The following TMEM132D variants were observed in gnomAD, a reference collection of about 807,000 sequenced individuals.
TMEM132D encodes transmembrane protein 132D, also known as mature OL transmembrane protein.
Under a neutral mutation model 62.3 loss-of-function variants are expected in TMEM132D, and 21 were observed. That is an observed-to-expected ratio of 0.34 (90% CI 0.24 to 0.49). The LOEUF is 0.49. Ranked by LOEUF, TMEM132D falls within the 20% of genes least tolerant of loss-of-function variation. The probability of loss-of-function intolerance (pLI) is 0.99; values close to 1 mark genes in which losing one functional copy is unlikely to be tolerated. For synonymous variants in TMEM132D, 621 were observed against 575.6 expected (o/e 1.08, Z -1.13); for missense variants, 1,346 against 1,402.8 (o/e 0.96, Z 0.65).
At chr12:129,648,708 A>G (rs1879849868) in intron 2 of TMEM132D, among the ~76,000 whole-genome samples, 1 of 152,258 alleles carries the variant, frequency 6.6e-6, no homozygotes, top group East Asian at 1.9e-4. Context: ...ACAAATCACC[A>G]AAGTGGTGCC....
chr12:129,088,780 GGGGTGTCCTCCATGACC>G (rs2135624769), intron 5 of TMEM132D, among the ~76,000 whole-genome samples: 1 of 50,608 alleles, frequency 2.0e-5, no homozygotes. Context: ...CTCCATGACC[GGGGTGTCCTCCATGACC>G]GGGTGTCCTC....
chr12:129,375,844 C>T (rs1376947836), intron 3 of TMEM132D, among the ~76,000 whole-genome samples: 1 of 152,184 alleles, frequency 6.6e-6, no homozygotes, highest in African/African-American at 2.4e-5. Context: ...TCTCAGCTCA[C>T]TCAGCATGTT....
At chr12:129,815,223 G>C (rs901499879) in intron 1 of TMEM132D, among the ~76,000 whole-genome samples, 2 of 152,168 alleles carry the variant, frequency 1.3e-5, no homozygotes, top group African/African-American at 2.4e-5. Context: ...TATTAAGAGA[G>C]TAATTTAGCT....
chr12:129,700,731 TA>T, intron 1 of TMEM132D, 33 bp from the exon 2 acceptor site: 6 of 1,564,452 alleles, frequency 3.8e-6, no homozygotes, highest in Non-Finnish European at 5.2e-6. Flanking sequence ...CAGGCGTTAG[TA>T]ATGCTAAGGT....
In TMEM132D at chr12:129,903,851, G is replaced by A. The variant is rs891914432; in HGVS notation, c.-512C>T. Among the ~76,000 whole-genome samples, 1 of 146,648 alleles carries A rather than the reference G, an allele frequency of 6.8e-6. No homozygotes were observed. The highest frequency in any genetic ancestry group is 2.4e-5 in the African/African-American group (1 of 40,864). Reference sequence around the variant, plus strand: ...GGCCGGGCTCGCTGGGCGGCCCGGGGCTCCCTGGCCCGCAGCCCCCATCCC... The same window carrying A: ...GGCCGGGCTCGCTGGGCGGCCCGGGACTCCCTGGCCCGCAGCCCCCATCCC... On this transcript the variant is annotated 5_prime_UTR_variant, in exon 1 of 9. Coordinates refer to ENST00000422113, the MANE Select transcript of TMEM132D (RefSeq NM_133448.3). The surrounding 1 kb of genome is among the most constrained non-coding windows in gnomAD (Gnocchi z 6.2).
chr12:129,463,863 C>A (rs1392384819), intron 3 of TMEM132D, among the ~76,000 whole-genome samples: 3 of 151,400 alleles, frequency 2.0e-5, no homozygotes. Flanking sequence ...TTTTCTTAAT[C>A]CAGTCTATCA....
At chr12:129,273,256 G>A (rs4759592) in intron 4 of TMEM132D, among the ~76,000 whole-genome samples, 47,587 of 151,330 alleles carry the variant, frequency 0.31, 7,749 homozygotes, top group South Asian at 0.36. Context: ...CGCTGGTGAA[G>A]CTGTGGAGAA....
chr12:129,564,942 G>A (rs910328684), intron 2 of TMEM132D, among the ~76,000 whole-genome samples: 3 of 152,188 alleles, frequency 2.0e-5, no homozygotes, highest in Admixed American at 6.5e-5. Context: ...GGGAGCCCCT[G>A]AGAAAGGAAG....
At chr12:129,508,012 A>T (rs922293209) in intron 3 of TMEM132D, among the ~76,000 whole-genome samples, 1 of 152,122 alleles carries the variant, frequency 6.6e-6, no homozygotes, top group Non-Finnish European at 1.5e-5. Flanking sequence ...TCCTGAGTAT[A>T]CAATTCCAAC....
chr12:129,179,137 A>G (rs1414233713), intron 5 of TMEM132D, among the ~76,000 whole-genome samples: 1 of 152,192 alleles, frequency 6.6e-6, no homozygotes, highest in Non-Finnish European at 1.5e-5. Context: ...CCATCAGCGT[A>G]CAGAAACGGG....
In TMEM132D at chr12:129,468,407, A is replaced by T. The variant is rs1383464436; in HGVS notation, c.1115+62652T>A. 2.0e-5 allele frequency among the ~76,000 whole-genome samples: 3 copies of T among 152,182 alleles called. No homozygotes were observed. The East Asian group carries it at 5.8e-4, about 29-fold the overall frequency. ...CTTTCCCTGACAGACACCTATTAGCATTCTGTATTGCAAAGAAGACCTGAA... is the reference window on the plus strand; with the variant it reads ...CTTTCCCTGACAGACACCTATTAGCTTTCTGTATTGCAAAGAAGACCTGAA... On this transcript the variant is annotated intron_variant, in intron 3 of 8. Coordinates refer to ENST00000422113, the MANE Select transcript of TMEM132D (RefSeq NM_133448.3).
At chr12:129,174,187 T>C (rs1353466820) in intron 5 of TMEM132D, among the ~76,000 whole-genome samples, 1 of 152,124 alleles carries the variant, frequency 6.6e-6, no homozygotes, top group East Asian at 1.9e-4. Flanking sequence ...GCCATGGTGG[T>C]CTGCTGCACT....
At chr12:129,333,800 A>G (rs1028918691) in intron 4 of TMEM132D, among the ~76,000 whole-genome samples, 4 of 151,678 alleles carry the variant, frequency 2.6e-5, no homozygotes, top group Non-Finnish European at 5.9e-5. Flanking sequence ...AGAGGAGCAC[A>G]CTCTCCCCTT....
At chr12:129,649,862 A>G (rs1223387327) in intron 2 of TMEM132D, among the ~76,000 whole-genome samples, 2 of 110,290 alleles carry the variant, frequency 1.8e-5, no homozygotes, top group Non-Finnish European at 4.7e-5. Flanking sequence ...GTATATGTGT[A>G]TGTATGTGTG....
intron 3 of TMEM132D, among the ~76,000 whole-genome samples, chr12:129,424,857 G>A (rs914442097): frequency 9.2e-5 from 14 of 151,722 alleles, no homozygotes; most frequent in Non-Finnish European, 1.5e-4. Context: ...CTTTAAACTC[G>A]TCAACTTGTA....
rs147488390 is a variant in TMEM132D at position 129,153,734 on chromosome 12, G to A, written c.1443+55786C>T. Among the ~76,000 whole-genome samples the A allele has an allele frequency of 5.3e-5, 8 of 152,238 alleles. No homozygotes were observed. The East Asian group carries it at 1.5e-3, about 29-fold the overall frequency. ...GGTGCCTCCAGCAGTAGGGCCAGGG[G>A]CTCAGGTGTGCATCAGTGACAGAAG... On this transcript the variant is annotated intron_variant, in intron 5 of 8. Transcript: ENST00000422113.
chr12:129,818,023 A>T (rs1053903256), intron 1 of TMEM132D, among the ~76,000 whole-genome samples: 5 of 118,890 alleles, frequency 4.2e-5, no homozygotes, highest in Non-Finnish European at 8.6e-5. Context: ...GTGCATCTCT[A>T]TGTGGTGTGG....
intron 3 of TMEM132D, among the ~76,000 whole-genome samples, chr12:129,471,902 T>C (rs1029422184): frequency 1.3e-5 from 2 of 152,270 alleles, no homozygotes; most frequent in African/African-American, 2.4e-5. Flanking sequence ...AGCAAGGCCC[T>C]AACTCTCTTC....
chr12:129,543,193 G>A (rs1876631365), intron 2 of TMEM132D, among the ~76,000 whole-genome samples: 1 of 127,022 alleles, frequency 7.9e-6, no homozygotes, highest in Non-Finnish European at 1.7e-5. Flanking sequence ...ATGGATGGAT[G>A]AGTTGATGAG....
Sources: allele counts gnomAD v4.1 joint callset (sites outside exome capture counted in the v4.1 genomes callset), GRCh38; gene constraint gnomAD v4.1.1; non-coding constraint Gnocchi (gnomAD v3.1); transcripts MANE v1.5; gene names NCBI Gene and HGNC (gene_info 2026-07-23, HGNC 2026-07-21).